GOLGA4: variants seen among roughly 807,000 people sequenced by gnomAD.
The protein encoded by GOLGA4 is golgin A4.
GOLGA4 carries 169 observed loss-of-function variants against 265.9 expected under a neutral mutation model. The ratio of observed to expected loss-of-function variants is 0.64; its 90% CI spans 0.56 to 0.72. GOLGA4 has a LOEUF of 0.72. Among genes scored for constraint, GOLGA4 ranks in the 30% least tolerant of loss-of-function variants. The pLI, the probability that GOLGA4 is intolerant of heterozygous loss-of-function variation, is 0.00. For synonymous variants in GOLGA4, 923 were observed against 855.8 expected (o/e 1.08, Z -1.37); for missense variants, 2,482 against 2,483.4 (o/e 1.00, Z 0.01).
chr3:37,306,455 T>C (rs1356541966), intron 10 of GOLGA4, among the ~76,000 whole-genome samples: 1 of 151,864 alleles, frequency 6.6e-6, no homozygotes, highest in African/African-American at 2.4e-5. Context: ...AGCACCAGTG[T>C]AGAATGTTAA....
At position 37,324,412 on chromosome 3, in the gene GOLGA4, T is replaced by G. The variant is rs373900157; in HGVS notation, c.2526T>G (p.Val842=). ...ETERILLTKQ[V]AEVEAQKKDV... is the part of the protein sequence containing the mutation. ...AAAGAATTCTTCTTACCAAACAGGT[T>G]GCTGAAGTTGAAGCACAAAAGAAAG... Residue 842 remains valine, a synonymous_variant, in exon 14 of 24, where the codon GTT becomes GTG. Transcript: ENST00000361924. 1 of 1,614,210 alleles carries G rather than the reference T, an allele frequency of 6.2e-7. No individual in the cohort carries two copies. The highest frequency in any genetic ancestry group is 8.5e-7 in the Non-Finnish European group (1 of 1,180,030).
intron 1 of GOLGA4, among the ~76,000 whole-genome samples, chr3:37,246,905 T>C (rs1303861701): frequency 2.6e-5 from 4 of 152,158 alleles, no homozygotes; most frequent in African/African-American, 7.2e-5. Context: ...TAATAGTTTA[T>C]GTGATATAAA....
intron 10 of GOLGA4, among the ~76,000 whole-genome samples, chr3:37,303,401 A>G (rs2096898115): frequency 6.6e-6 from 1 of 152,236 alleles, no homozygotes; most frequent in Non-Finnish European, 1.5e-5. Flanking sequence ...AGAATTTGGT[A>G]TCTGATCAAC....
At chr3:37,331,250 A>G (rs960625496) in intron 16 of GOLGA4, among the ~76,000 whole-genome samples, 1 of 152,088 alleles carries the variant, frequency 6.6e-6, no homozygotes, top group African/African-American at 2.4e-5. Flanking sequence ...TGTTTTTTAC[A>G]TTTCATCTCA....
intron 6 of GOLGA4, 28 bp from the exon 7 acceptor site, chr3:37,296,059 T>G (rs2096877443): frequency 2.5e-6 from 4 of 1,609,342 alleles, no homozygotes; most frequent in Non-Finnish European, 3.4e-6. Flanking sequence ...TTTTTTGACT[T>G]TTTTCTAATG....
rs1381255826 is a variant in GOLGA4 at position 37,324,735 on chromosome 3, A to G, written c.2849A>G (p.Lys950Arg). The G allele has an allele frequency of 2.5e-6, 4 of 1,585,318 alleles. No individual in the cohort carries two copies. The African/African-American group carries it at 4.1e-5, about 16-fold the overall frequency. Residue 950 changes from lysine (K) to arginine (R), a missense_variant, in exon 14 of 24, where the codon AAA (lysine) becomes AGA (arginine). Physicochemically the swap from Lys to Arg is conservative, Grantham distance 26 (BLOSUM62 2). This residue lies in a region of GOLGA4 where 1,536 missense variants were observed against 1,483.7 expected (regional missense o/e 1.04). Transcript: ENST00000361924. The part of the protein sequence containing the change: ...ILNEEYETKF[K>R]NQEKKMEKVK... ...AATGAGGAATATGAAACCAAATTTA[A>G]AAACCAAGAAAAAAAGATGGAAAAA...
chr3:37,293,751 A>G (rs2096870840), intron 5 of GOLGA4, among the ~76,000 whole-genome samples: 1 of 152,234 alleles, frequency 6.6e-6, no homozygotes, highest in South Asian at 2.1e-4. Flanking sequence ...CCCTAAAGCC[A>G]TGGTCAGCAG....
chr3:37,346,447 T>C (rs1183949962), intron 20 of GOLGA4, among the ~76,000 whole-genome samples: 2 of 152,242 alleles, frequency 1.3e-5, no homozygotes, highest in African/African-American at 4.8e-5. Flanking sequence ...TAAATTACTT[T>C]TTTTATCTAA....
chr3:37,285,173 TA>T (rs199535886), intron 3 of GOLGA4, among the ~76,000 whole-genome samples: 952 of 73,614 alleles, frequency 0.013, 21 homozygotes, highest in African/African-American at 0.026. Context: ...TTTTTTTTTT[TA>T]AATTATAATA....
chr3:37,270,479 A>G (rs2096795796), intron 2 of GOLGA4, among the ~76,000 whole-genome samples: 1 of 152,124 alleles, frequency 6.6e-6, no homozygotes, highest in South Asian at 2.1e-4. Flanking sequence ...CGGCCTCCCA[A>G]AGTGCTGGGA....
Position 37,362,780 on chromosome 3 carries a change from C to CTTTTTTTTTTTTTTTTTTTTTTTTTTT in GOLGA4, c.*33+1495_*33+1496insTTTTTTTTTTTTTTTTTTTTTTTTTTT, listed in dbSNP as rs71094906. 3.0e-4 allele frequency among the ~76,000 whole-genome samples: 23 copies of CTTTTTTTTTTTTTTTTTTTTTTTTTTT among 75,458 alleles called. 7 individuals carry two copies. The highest frequency in any genetic ancestry group is 4.1e-4 in the African/African-American group (8 of 19,484). The allele number at this position is 75,458 out of a possible 152,430, so 49.5% of individuals were successfully genotyped here. On this transcript the variant is annotated intron_variant, in intron 23 of 23. Transcript: ENST00000361924. The stretch of plus-strand genomic sequence containing the variant: ...CGATCTTCCTACCTCAGCCTCTAAG[C>CTTTTTTTTTTTTTTTTTTTTTTTTTTT]TTTTTTTTTTTTTTTTTTTTGAGAC...
chr3:37,274,917 C>T (rs2096810101), intron 2 of GOLGA4, among the ~76,000 whole-genome samples: 1 of 151,558 alleles, frequency 6.6e-6, no homozygotes, highest in African/African-American at 2.4e-5. Flanking sequence ...GAAGTATTGT[C>T]TAACAAATGT....
intron 10 of GOLGA4, among the ~76,000 whole-genome samples, chr3:37,309,577 C>A (rs79327381): frequency 9.3e-4 from 142 of 152,226 alleles, no homozygotes; most frequent in African/African-American, 2.8e-3. Flanking sequence ...ACAACAACAA[C>A]AAAAAACAAA....
chr3:37,257,994 TATGTATATATACATAC>T lies in GOLGA4; in HGVS notation c.162+6513_162+6528del, dbSNP rs1223224870. Among the ~76,000 whole-genome samples, 456 of 88,966 alleles carry T rather than the reference TATGTATATATACATAC, an allele frequency of 5.1e-3. 44 individuals carry two copies. Among genetic ancestry groups the T allele is most frequent in the African/African-American group, 0.014 (241 of 17,798 alleles). 58.4% of individuals were successfully genotyped at this position (88,966 alleles called of 152,430 possible). ...ACATACATATATATATGTATGTATA[TATGTATATATACATAC>T]ATATATATATGTATGTATATATGTA... On this transcript the variant is annotated intron_variant, in intron 2 of 23. Transcript: ENST00000361924.
intron 22 of GOLGA4, among the ~76,000 whole-genome samples, chr3:37,360,653 T>C (rs1436138111): frequency 3.9e-5 from 6 of 152,192 alleles, no homozygotes; most frequent in Non-Finnish European, 8.8e-5. Context: ...ATTTAAGGTT[T>C]GTCACAGTAA....
intron 22 of GOLGA4, 99 bp from the exon 23 acceptor site, chr3:37,361,144 A>G: frequency 1.1e-6 from 1 of 926,614 alleles, no homozygotes; most frequent in Non-Finnish European, 1.8e-6. Context: ...ATTTAAGTAC[A>G]GTCTGTAATC....
At chr3:37,342,325 CAG>C (rs1553625393) in intron 20 of GOLGA4, among the ~76,000 whole-genome samples, 1 of 152,156 alleles carries the variant, frequency 6.6e-6, no homozygotes, top group Non-Finnish European at 1.5e-5. Context: ...GCCTGGGCAA[CAG>C]AGTGCAACTC....
rs576032588 is a variant in GOLGA4 at position 37,327,142 on chromosome 3, G to T, written c.5256G>T (p.Leu1752Phe). 5 of 1,613,614 alleles carry T rather than the reference G, an allele frequency of 3.1e-6. No homozygotes were observed. In the Admixed American group the frequency reaches 8.3e-5, roughly 27 times the overall value. ...ACTTAACTGAAAAAGAAAAGCTATT[G>T]CAGAGGGTAGGGCAGGAAAAAGAAG... ...QRNLTEKEKL[L>F]QRVGQEKEET... Residue 1752 changes from leucine to phenylalanine, a missense_variant, in exon 14 of 24, where the codon TTG becomes TTT. Physicochemically the swap from Leu to Phe is conservative, Grantham distance 22. Coordinates refer to ENST00000361924, the MANE Select transcript of GOLGA4 (RefSeq NM_002078.5).
intron 2 of GOLGA4, among the ~76,000 whole-genome samples, chr3:37,264,259 A>G (rs1471576385): frequency 6.6e-6 from 1 of 152,218 alleles, no homozygotes; most frequent in Non-Finnish European, 1.5e-5. Flanking sequence ...GTCTAAGAAA[A>G]GTGAATTTTT....
Sources: gnomAD v4.1 joint callset for allele counts (sites outside exome capture counted in the v4.1 genomes callset) on GRCh38, gnomAD v4.1.1 for gene constraint, gnomAD v4.1.1 regional missense constraint, MANE v1.5 for transcripts, NCBI Gene and HGNC (gene_info 2026-07-23, HGNC 2026-07-21) for gene names.